Variants in TNNT2 observed in about 807,000 individuals in gnomAD.
The protein encoded by TNNT2 is troponin T, cardiac muscle.
Under a neutral mutation model 62.4 loss-of-function variants are expected in TNNT2, and 34 were observed. That is an observed-to-expected ratio of 0.54 (90% confidence interval 0.41 to 0.72). The LOEUF (loss-of-function observed/expected upper bound fraction) is 0.72. Among genes scored for constraint, TNNT2 ranks in the 30% least tolerant of loss-of-function variants. The pLI, the probability that TNNT2 is intolerant of heterozygous loss-of-function variation, is 0.00. For missense variants in TNNT2, 275 were observed against 381.9 expected, an observed-to-expected ratio of 0.72 and a Z score of 2.33; for synonymous variants, 123 against 127.2, an observed-to-expected ratio of 0.97 and a Z score of 0.22.
chr1:201,367,022 A>C, intron 7 of TNNT2, 151 bp from the exon 8 acceptor site: 1 of 1,318,190 alleles, frequency 7.6e-7, no homozygotes, highest in Non-Finnish European at 1.1e-6. Flanking sequence ...TTCCAGAAGC[A>C]TCCAGGAGAA....
intron 3 of TNNT2, 37 bp downstream of exon 3, chr1:201,372,106 CTG>C (rs764910748): frequency 1.2e-6 from 2 of 1,614,042 alleles, no homozygotes; most frequent in Non-Finnish European, 1.7e-6. Flanking sequence ...TCGAACCAGG[CTG>C]TCTTTGATCC....
intron 4 of TNNT2, among the ~76,000 whole-genome samples, chr1:201,371,415 TA>T (rs1161049348): frequency 6.6e-6 from 1 of 152,232 alleles, no homozygotes; most frequent in Non-Finnish European, 1.5e-5. Context: ...CATGCCGAGA[TA>T]AGACGTCTCA....
At chr1:201,361,012 C>T (rs560321574) in intron 15 of TNNT2, 8 of 513,442 alleles carry the variant, frequency 1.6e-5, no homozygotes, top group African/African-American at 1.9e-5. Flanking sequence ...GCTGCCTCAA[C>T]GTGTTGGAGA....
chr1:201,359,228 G>A lies in TNNT2; in HGVS notation c.879C>T (p.Val293=), dbSNP rs1251750348. Residue 293 remains valine (V), a synonymous_variant, in exon 17 of 17, where the codon GTC becomes GTT. Transcript: ENST00000656932. ...KVSKTRGKAK[V]TGRWK ...CCAGGCTCTATTTCCAGCGCCCGGT[G>A]ACTTTAGCCTTCCCGCGGGTCTTGG... is the stretch of plus-strand genomic sequence containing the variant. The A allele has an allele frequency of 5.6e-6, 9 of 1,611,182 alleles. No individual in the cohort carries two copies. The highest frequency in any genetic ancestry group is 7.6e-6 in the Non-Finnish European group (9 of 1,179,200).
chr1:201,362,295 T>C, intron 13 of TNNT2, 91 bp downstream of exon 13: 1 of 1,570,662 alleles, frequency 6.4e-7, no homozygotes, highest in Admixed American at 1.9e-5. Flanking sequence ...CCCAATCTCT[T>C]CACTCCTCCC....
chr1:201,367,799 T>C lies in TNNT2; in HGVS notation c.171A>G (p.Glu57=). The change falls in exon 7 of 17, where the codon GAA becomes GAG. Residue 57 remains glutamate (E), a synonymous_variant. Coordinates refer to ENST00000656932, the MANE Select transcript of TNNT2 (RefSeq NM_001276345.2). ...ETEETRAEED[E]EEEEAKEAED... is the part of the protein sequence containing the mutation. ...CAGCCTCCTTTGCTTCCTCTTCTTC[T>C]TCATCTTCTAAATGAAACACGAGAA... 6.2e-7 allele frequency: 1 copy of C among 1,614,136 alleles called. No homozygotes were observed. Among genetic ancestry groups the C allele is most frequent in the Non-Finnish European group, 8.5e-7 (1 of 1,180,022 alleles).
At position 201,372,257 on chromosome 1, in the gene TNNT2, C is replaced by T. The variant is rs1403399783; in HGVS notation, c.42-102G>A. The stretch of plus-strand genomic sequence containing the variant: ...ACACTGGCCTTTCCCCAAAGATAAT[C>T]CCCCTTTCTTTTCCCTTGTTGCCTA... On this transcript the variant is annotated intron_variant, in intron 2 of 16. Coordinates refer to ENST00000656932, the MANE Select transcript of TNNT2 (RefSeq NM_001276345.2). 1.0e-5 allele frequency: 16 copies of T among 1,556,870 alleles called. No homozygotes were observed. In the Admixed American group the frequency reaches 1.7e-4, roughly 16 times the overall value.
intron 4 of TNNT2, among the ~76,000 whole-genome samples, chr1:201,371,156 T>C (rs1436841932): frequency 6.6e-6 from 1 of 151,816 alleles, no homozygotes; most frequent in African/African-American, 2.4e-5. Context: ...TCTCCTAATA[T>C]CTACATGCCA....
chr1:201,374,608 G>C (rs1353520810), intron 1 of TNNT2: 1 of 152,242 alleles, frequency 6.6e-6, no homozygotes, highest in Non-Finnish European at 1.5e-5. Flanking sequence ...TCCAGCATGC[G>C]TTTGCCTGCG....
rs761830318 is a variant in TNNT2 at position 201,373,365 on chromosome 1, G to C, written c.-14-97C>G. ...GTTGTACAGAGATCAGCGAGGCCTAGGGTGAATCTAGTTCCACCCCTCATG... is the reference window on the plus strand; with the variant it reads ...GTTGTACAGAGATCAGCGAGGCCTACGGTGAATCTAGTTCCACCCCTCATG... On this transcript the variant is annotated intron_variant, in intron 1 of 16. Transcript: ENST00000656932. The C allele has an allele frequency of 8.3e-6, 9 of 1,079,820 alleles. No individual in the cohort carries two copies. In the African/African-American group the frequency reaches 9.3e-5, roughly 11 times the overall value. The allele number at this position is 1,079,820 out of a possible 1,614,324, so 66.9% of individuals were successfully genotyped here. A position where few individuals can be genotyped will look rare whatever the true frequency, so the allele number is the denominator to read the frequency against.
At chr1:201,375,684 G>T (rs565683749) in intron 1 of TNNT2, among the ~76,000 whole-genome samples, 1 of 152,322 alleles carries the variant, frequency 6.6e-6, no homozygotes, top group South Asian at 2.1e-4. Flanking sequence ...CTAGTGACTT[G>T]AGAACTTGAG....
intron 1 of TNNT2, 142 bp downstream of exon 1, chr1:201,377,481 G>T: frequency 2.2e-6 from 1 of 454,096 alleles, no homozygotes; most frequent in South Asian, 1.6e-5. Flanking sequence ...CCTGTCCTCT[G>T]AAGTGTGGCC....
At chr1:201,366,904 AG>A (rs35057555) in intron 7 of TNNT2, 33 bp from the exon 8 acceptor site, 2 of 1,614,094 alleles carry the variant, frequency 1.2e-6, no homozygotes, top group Non-Finnish European at 8.5e-7. Flanking sequence ...GCCATGGGTC[AG>A]GGGGCCCCAG....
intron 14 of TNNT2, 22 bp from the exon 15 acceptor site, chr1:201,361,391 T>C: frequency 6.2e-7 from 1 of 1,609,540 alleles, no homozygotes; most frequent in Middle Eastern, 1.7e-4. Context: ...AGGGTGAGAA[T>C]GGGGAGGTCC....
intron 5 of TNNT2, 60 bp from the exon 6 acceptor site, chr1:201,368,287 C>A (rs931757029): frequency 6.3e-7 from 1 of 1,578,576 alleles, no homozygotes; most frequent in Non-Finnish European, 8.7e-7. Flanking sequence ...TCAGGCAGAA[C>A]CCAGAGCAGA....
At chr1:201,367,976 G>T (rs1659963766) in intron 6 of TNNT2, among the ~76,000 whole-genome samples, 170 bp from the exon 7 acceptor site, 1 of 152,162 alleles carries the variant, frequency 6.6e-6, no homozygotes, top group Middle Eastern at 3.2e-3. Context: ...ACCCAAGACT[G>T]CCTGACACAA....
At chr1:201,367,007 C>G (rs754328740) in intron 7 of TNNT2, 136 bp from the exon 8 acceptor site, 1 of 1,453,564 alleles carries the variant, frequency 6.9e-7, no homozygotes, top group African/African-American at 1.4e-5. Flanking sequence ...ACTGGGGAGC[C>G]CTGATTCCAG....
chr1:201,362,098 G>C lies in TNNT2; in HGVS notation c.610-76C>G. The C allele has an allele frequency of 2.6e-6, 4 of 1,532,062 alleles. No homozygotes were observed. The African/African-American group carries it at 5.5e-5, about 21-fold the overall frequency. The allele number at this position is 1,532,062 out of a possible 1,614,324, so 94.9% of individuals were successfully genotyped here. On this transcript the variant is annotated intron_variant, in intron 13 of 16. Transcript: ENST00000656932. ...CCCCTAACCCTCCCCAAACCCCCTG[G>C]GGGTGGAGCAAGGCCTGCAGGAGGG... is the stretch of plus-strand genomic sequence containing the variant.
Position 201,363,242 on chromosome 1 carries a change from A to T in TNNT2, c.600+54T>A, listed in dbSNP as rs971901663. On this transcript the variant is annotated intron_variant, in intron 12 of 16. Transcript: ENST00000656932. ...GTCTACCTGCTGCAGTGGACACCTC[A>T]TTCCTCAGGGCTATACTAGGATCTC... 5 of 1,612,530 alleles carry T rather than the reference A, an allele frequency of 3.1e-6. No homozygotes were observed. In the Admixed American group the frequency reaches 8.3e-5, roughly 27 times the overall value.
Sources: gnomAD v4.1 joint callset for allele counts (sites outside exome capture counted in the v4.1 genomes callset) on GRCh38, gnomAD v4.1.1 for gene constraint, MANE v1.5 for transcripts, NCBI Gene and HGNC (gene_info 2026-07-23, HGNC 2026-07-21) for gene names.